Variants in PCDHA8 observed in about 807,000 individuals in gnomAD.
PCDHA8 encodes protocadherin alpha 8, also known as protocadherin alpha-8.
PCDHA8 carries 53 observed loss-of-function variants against 61.8 expected under a neutral mutation model. That is an observed-to-expected ratio of 0.86 (90% CI 0.69 to 1.08). The LOEUF is 1.08. Ranked by LOEUF, PCDHA8 falls within the 50% of genes least tolerant of loss-of-function variation. The pLI is 0.00. For synonymous variants in PCDHA8, 618 were observed against 556.6 expected, an observed-to-expected ratio of 1.11 and a Z score of -1.55; for missense variants, 1,293 against 1,245.0, an observed-to-expected ratio of 1.04 and a Z score of -0.58.
rs35695909 is a variant in PCDHA8, at chr5:140,914,944, C to CTT, written c.2395-63988_2395-63987dup. Among the ~76,000 whole-genome samples the CTT allele has an allele frequency of 2.2e-4, 28 of 128,250 alleles. 1 individual carries two copies. Among genetic ancestry groups the CTT allele is most frequent in the African/African-American group, 3.1e-4 (11 of 35,118 alleles). 84.1% of individuals were successfully genotyped at this position (128,250 alleles called of 152,430 possible). Reference sequence around the variant, plus strand: ...ATTGTACTATGTTGTGAAAAGTTGTCTTTTTTTTTTTTTTTTTTCTGAGTC... The same window carrying CTT: ...ATTGTACTATGTTGTGAAAAGTTGTCTTTTTTTTTTTTTTTTTTTTCTGAGTC... On this transcript the variant is annotated intron_variant, in intron 1 of 3. Transcript: ENST00000531613.
intron 1 of PCDHA8, chr5:140,858,161 G>A (rs1409243603): frequency 1.3e-6 from 2 of 1,597,720 alleles, no homozygotes; most frequent in African/African-American, 2.7e-5. Context: ...CATCTGCGCG[G>A]TGTCCAGCTT....
At chr5:140,863,310 G>A (rs2047937786) in intron 1 of PCDHA8, 2 of 1,463,012 alleles carry the variant, frequency 1.4e-6, no homozygotes, top group Non-Finnish European at 1.9e-6. Context: ...CCATCTGCGT[G>A]GTGTCCAGCC....
At chr5:140,856,264 C>G in intron 1 of PCDHA8, 2 of 1,598,114 alleles carry the variant, frequency 1.3e-6, no homozygotes, top group Non-Finnish European at 1.7e-6. Flanking sequence ...GACACGGGGA[C>G]CTTCTGGAGG....
intron 1 of PCDHA8, among the ~76,000 whole-genome samples, chr5:140,899,663 C>T (rs1583349850): frequency 1.3e-5 from 2 of 152,176 alleles, no homozygotes; most frequent in African/African-American, 4.8e-5. Flanking sequence ...TGTCTCTGCC[C>T]GGCTTTGGTA....
chr5:140,966,826 GC>G, intron 1 of PCDHA8: 1 of 1,560,690 alleles, frequency 6.4e-7, no homozygotes, highest in Non-Finnish European at 8.6e-7. Flanking sequence ...GGCGGCCCAT[GC>G]CCTGGCTGCT....
At chr5:140,972,729 T>G (rs574244702) in intron 1 of PCDHA8, among the ~76,000 whole-genome samples, 47 of 147,600 alleles carry the variant, frequency 3.2e-4, no homozygotes, top group African/African-American at 1.1e-3. Context: ...AGTGGCGTAA[T>G]CCCGGCTCAC....
intron 1 of PCDHA8, chr5:140,871,411 G>A: frequency 6.2e-7 from 1 of 1,614,056 alleles, no homozygotes; most frequent in Non-Finnish European, 8.5e-7. Flanking sequence ...GGACCTCATG[G>A]CCTTCAGCCC....
At chr5:140,984,405 C>T (rs782109046) in intron 3 of PCDHA8, among the ~76,000 whole-genome samples, 1 of 152,114 alleles carries the variant, frequency 6.6e-6, no homozygotes, top group Non-Finnish European at 1.5e-5. Context: ...GAGAACCTAT[C>T]TTTTTTACAG....
rs547166699 is a variant in PCDHA8 at position 140,982,068 on chromosome 5, TTAGAG to T, written c.2454-401_2454-397del. On this transcript the variant is annotated intron_variant, in intron 2 of 3. Transcript: ENST00000531613. ...AAAATATTTTAGTGTGTTTTCTTCT[TTAGAG>T]TAGAGAACCTAGGAACAAGAGAACC... 3.5e-3 allele frequency among the ~76,000 whole-genome samples: 532 copies of T among 152,340 alleles called. 2 individuals carry two copies. Among genetic ancestry groups the T allele is most frequent in the Non-Finnish European group, 5.4e-3 (369 of 68,028 alleles).
chr5:140,883,972 C>T (rs781784485), intron 1 of PCDHA8: 2 of 1,612,972 alleles, frequency 1.2e-6, no homozygotes, highest in Non-Finnish European at 8.5e-7. Context: ...TGCTGACGCC[C>T]GGGGCTGGCA....
chr5:140,968,526 C>G, intron 1 of PCDHA8: 3 of 1,614,200 alleles, frequency 1.9e-6, no homozygotes, highest in Middle Eastern at 1.6e-4. Context: ...TCAACCAACT[C>G]GTCAGCAGCC....
chr5:140,876,837 C>G (rs782753877), intron 1 of PCDHA8: 3 of 1,614,148 alleles, frequency 1.9e-6, no homozygotes, highest in African/African-American at 1.3e-5. Context: ...CGCCTGCGTT[C>G]GCGCAGCCCG....
At chr5:140,851,199 C>T in intron 1 of PCDHA8, 2 of 1,195,966 alleles carry the variant, frequency 1.7e-6, no homozygotes, top group Non-Finnish European at 2.1e-6. Context: ...AGTTGTTAGT[C>T]ATTCATTAAA....
At chr5:140,955,102 C>A (rs2095137498) in intron 1 of PCDHA8, among the ~76,000 whole-genome samples, 1 of 151,988 alleles carries the variant, frequency 6.6e-6, no homozygotes, top group Admixed American at 6.6e-5. Context: ...GGTGTTATTT[C>A]TGAGTTCTCT....
intron 1 of PCDHA8, chr5:140,871,246 C>A: frequency 6.2e-7 from 1 of 1,613,982 alleles, no homozygotes; most frequent in Non-Finnish European, 8.5e-7. Flanking sequence ...ACTCACGCTG[C>A]TGCTGTATAC....
chr5:140,849,764 G>A, intron 1 of PCDHA8: 1 of 1,598,518 alleles, frequency 6.3e-7, no homozygotes, highest in South Asian at 1.1e-5. Context: ...CCTACGAGCT[G>A]GTGGTTACCG....
chr5:140,842,393 C>T lies in PCDHA8; in HGVS notation c.1072C>T (p.Pro358Ser). 2.5e-6 allele frequency: 4 copies of T among 1,611,054 alleles called. No homozygotes were observed. The highest frequency in any genetic ancestry group is 3.4e-6 in the Non-Finnish European group (4 of 1,177,330). Residue 358 changes from proline (P) to serine (S), a missense_variant, in exon 1 of 4, where the codon CCT becomes TCT. Coordinates refer to ENST00000531613, the MANE Select transcript of PCDHA8 (RefSeq NM_018911.3). The stretch of plus-strand genomic sequence containing the variant: ...GATAGCACTGACTTCCTTATCCTTG[C>T]CTGTACGTGAAGACGCTCAATTTGG... Reference protein sequence around the residue: ...PEIALTSLSLPVREDAQFGTV... With the variant: ...PEIALTSLSLSVREDAQFGTV...
At position 140,855,260 on chromosome 5, in the gene PCDHA8, A is replaced by G. The variant is rs146587233; in HGVS notation, c.2394+11545A>G. ...TACTATTGCAAGCACTTACTATATT[A>G]TAATTCACTCAACCACCGTATTACT... is the stretch of plus-strand genomic sequence containing the variant. On this transcript the variant is annotated intron_variant, in intron 1 of 3. Coordinates refer to ENST00000531613, the MANE Select transcript of PCDHA8 (RefSeq NM_018911.3). Among the ~76,000 whole-genome samples, 51 of 149,956 alleles carry G rather than the reference A, an allele frequency of 3.4e-4. No homozygotes were observed. In the East Asian group the frequency reaches 7.5e-3, roughly 22 times the overall value.
intron 1 of PCDHA8, among the ~76,000 whole-genome samples, chr5:140,905,770 C>T (rs1402548672): frequency 6.6e-6 from 1 of 151,878 alleles, no homozygotes; most frequent in African/African-American, 2.4e-5. Flanking sequence ...AAGTATATTC[C>T]GAAGTGTATT....
Sources: gnomAD v4.1 joint callset for allele counts (sites outside exome capture counted in the v4.1 genomes callset) on GRCh38, gnomAD v4.1.1 for gene constraint, MANE v1.5 for transcripts, NCBI Gene and HGNC (gene_info 2026-07-23, HGNC 2026-07-21) for gene names.